Variants in PPFIBP2 observed in about 807,000 individuals in gnomAD.
The protein encoded by PPFIBP2 is liprin-beta-2.
A neutral mutation model predicts 118.3 loss-of-function variants in PPFIBP2; 118 were observed. The ratio of observed to expected loss-of-function variants is 1.00; its 90% CI spans 0.86 to 1.16. The LOEUF (loss-of-function observed/expected upper bound fraction) is 1.16, where lower values mean the gene tolerates loss of function less well. Ranked by LOEUF, PPFIBP2 falls within the 50% of genes most tolerant of loss-of-function variation. The pLI is 0.00. For missense variants in PPFIBP2, 1,195 were observed against 1,073.1 expected (o/e 1.11, Z -1.59); for synonymous variants, 414 against 397.4 (o/e 1.04, Z -0.50).
At chr11:7,572,660 C>T (rs1855780781) in intron 3 of PPFIBP2, among the ~76,000 whole-genome samples, 1 of 152,250 alleles carries the variant, frequency 6.6e-6, no homozygotes, top group African/African-American at 2.4e-5. Flanking sequence ...CAGAGATACA[C>T]TACCAAGAGC....
intron 6 of PPFIBP2, among the ~76,000 whole-genome samples, chr11:7,617,923 T>TA (rs1484235687): frequency 3.3e-5 from 5 of 149,254 alleles, no homozygotes; most frequent in Non-Finnish European, 7.5e-5. Context: ...CACACGGGGG[T>TA]AACCTGGTCC....
chr11:7,548,430 C>T (rs1303206220), intron 1 of PPFIBP2: 6 of 152,228 alleles, frequency 3.9e-5, no homozygotes, highest in Non-Finnish European at 7.3e-5. Context: ...TTCTCCACAG[C>T]GTGTATGGCC....
chr11:7,665,852 G>T, the PPFIBP2 span: 12 of 1,536,032 alleles, frequency 7.8e-6, no homozygotes, highest in African/African-American at 2.7e-5. Flanking sequence ...AGTACAGCCA[G>T]CTGGAGTTGT....
At chr11:7,548,450 A>G (rs1407346451) in intron 1 of PPFIBP2, 1 of 152,220 alleles carries the variant, frequency 6.6e-6, no homozygotes, top group Non-Finnish European at 1.5e-5. Flanking sequence ...CATTCGGCAC[A>G]TGTGTAGATT....
At chr11:7,597,820 C>A in intron 5 of PPFIBP2, 147 bp downstream of exon 5, 1 of 659,354 alleles carries the variant, frequency 1.5e-6, no homozygotes, top group African/African-American at 1.8e-5. Flanking sequence ...GGTGTTTATA[C>A]AGCAGGTGAA....
At chr11:7,571,472 T>C (rs1418016079) in intron 3 of PPFIBP2, among the ~76,000 whole-genome samples, 4 of 152,190 alleles carry the variant, frequency 2.6e-5, no homozygotes, top group Non-Finnish European at 5.9e-5. Flanking sequence ...AAATGTGAGC[T>C]TGAATTTTTT....
At chr11:7,530,238 A>G (rs1028215909) in intron 1 of PPFIBP2, among the ~76,000 whole-genome samples, 1 of 152,196 alleles carries the variant, frequency 6.6e-6, no homozygotes, top group African/African-American at 2.4e-5. Flanking sequence ...AACCCTGTGT[A>G]AGGCAGATAT....
chr11:7,552,780 C>T (rs1368415071), intron 2 of PPFIBP2, among the ~76,000 whole-genome samples: 1 of 152,170 alleles, frequency 6.6e-6, no homozygotes, highest in African/African-American at 2.4e-5. Flanking sequence ...GAATGCCCTC[C>T]TCCAGATCTA....
chr11:7,666,113 G>A, the PPFIBP2 span: 1 of 622,392 alleles, frequency 1.6e-6, no homozygotes, highest in South Asian at 1.8e-5. Flanking sequence ...AGGGTGAGTG[G>A]TGAAGGGGTC....
intron 3 of PPFIBP2, among the ~76,000 whole-genome samples, chr11:7,582,559 C>G (rs1857435895): frequency 6.6e-6 from 1 of 152,112 alleles, no homozygotes; most frequent in South Asian, 2.1e-4. Context: ...AGCAGCACAG[C>G]CATTGTTGGT....
chr11:7,632,673 C>T (rs983277752), intron 11 of PPFIBP2, 194 bp from the exon 12 acceptor site: 11 of 520,160 alleles, frequency 2.1e-5, no homozygotes, highest in African/African-American at 3.9e-5. Flanking sequence ...GGCAAGCTGG[C>T]CCAGATGGAC....
downstream of PPFIBP2, among the ~76,000 whole-genome samples, chr11:7,658,837 T>C (rs1854824990): frequency 1.9e-5 from 2 of 105,100 alleles, no homozygotes; most frequent in Admixed American, 9.4e-5. Context: ...ATGATTGCCA[T>C]TCTAACTGGT....
intron 10 of PPFIBP2, 141 bp from the exon 11 acceptor site, chr11:7,630,783 TC>T (rs1441628593): frequency 6.0e-6 from 4 of 671,128 alleles, no homozygotes; most frequent in Non-Finnish European, 1.0e-5. Flanking sequence ...TGAAGAATCT[TC>T]AGAATCACAC....
intron 1 of PPFIBP2, among the ~76,000 whole-genome samples, chr11:7,538,941 C>A (rs35250525): frequency 6.6e-6 from 1 of 152,070 alleles, no homozygotes; most frequent in African/African-American, 2.4e-5. Flanking sequence ...AAACAAGGAA[C>A]CTTGTATGCG....
intron 3 of PPFIBP2, among the ~76,000 whole-genome samples, chr11:7,578,658 CAAT>C (rs1856802007): frequency 6.6e-6 from 1 of 152,144 alleles, no homozygotes. Context: ...AGATTACAAA[CAAT>C]AAGTGTGCCT....
intron 3 of PPFIBP2, among the ~76,000 whole-genome samples, chr11:7,571,258 A>AC (rs1262187263): frequency 2.0e-5 from 3 of 151,546 alleles, no homozygotes; most frequent in Non-Finnish European, 4.4e-5. Flanking sequence ...GAGCACAGCC[A>AC]CCCCCCCTTC....
downstream of PPFIBP2, chr11:7,655,524 G>C (rs1232962953): frequency 7.8e-7 from 1 of 1,287,344 alleles, no homozygotes; most frequent in South Asian, 1.2e-5. Flanking sequence ...TCTCCCCACA[G>C]TCAGACTGGT....
At chr11:7,599,495 T>C (rs1819628606) in intron 5 of PPFIBP2, among the ~76,000 whole-genome samples, 1 of 152,156 alleles carries the variant, frequency 6.6e-6, no homozygotes, top group South Asian at 2.1e-4. Context: ...GTGTTTCTGC[T>C]CCATTGTCAA....
At chr11:7,597,257 G>GC (rs1860507084) in intron 4 of PPFIBP2, 1 of 1,534,696 alleles carries the variant, frequency 6.5e-7, no homozygotes, top group African/African-American at 1.4e-5. Context: ...GGAATAAGGA[G>GC]CAGGAGTCCA....
Sources: allele counts gnomAD v4.1 joint callset (sites outside exome capture counted in the v4.1 genomes callset), GRCh38; gene constraint gnomAD v4.1.1; transcripts MANE v1.5; gene names NCBI Gene and HGNC (gene_info 2026-07-23, HGNC 2026-07-21).